Variants in UVRAG observed in about 807,000 individuals in gnomAD.
The protein encoded by UVRAG is UV radiation resistance associated, also known as UV radiation resistance-associated gene protein.
Under a neutral mutation model 78.0 loss-of-function variants are expected in UVRAG, and 19 were observed. That is an observed-to-expected ratio of 0.24 (90% CI 0.17 to 0.36). The LOEUF is 0.36. Among genes scored for constraint, UVRAG ranks in the 10% least tolerant of loss-of-function variants. UVRAG has a pLI of 1.00. For synonymous variants in UVRAG, 323 were observed against 324.6 expected, an observed-to-expected ratio of 1.00 and a Z score of 0.05; for missense variants, 740 against 853.8, an observed-to-expected ratio of 0.87 and a Z score of 1.66.
chr11:75,866,607 C>T (rs998741287), intron 3 of UVRAG, among the ~76,000 whole-genome samples: 1 of 151,558 alleles, frequency 6.6e-6, no homozygotes, highest in African/African-American at 2.4e-5. Flanking sequence ...TTTTTTAATA[C>T]CACTAGTCTC....
chr11:76,085,744 G>A (rs1176012570), intron 13 of UVRAG, among the ~76,000 whole-genome samples: 1 of 152,114 alleles, frequency 6.6e-6, no homozygotes, highest in African/African-American at 2.4e-5. Flanking sequence ...GCTGGGCATT[G>A]GCAAATCACA....
chr11:75,855,846 T>C (rs1946277351), intron 2 of UVRAG, among the ~76,000 whole-genome samples: 1 of 152,242 alleles, frequency 6.6e-6, no homozygotes, highest in Non-Finnish European at 1.5e-5. Context: ...TTTTTGACTT[T>C]TGACATTCTT....
At chr11:76,003,077 A>G (rs1949848731) in intron 8 of UVRAG, among the ~76,000 whole-genome samples, 1 of 151,970 alleles carries the variant, frequency 6.6e-6, no homozygotes, top group African/African-American at 2.4e-5. Flanking sequence ...CTGTCTAAAA[A>G]AAAAGAAAAA....
chr11:75,895,435 A>G (rs549073385), intron 5 of UVRAG, among the ~76,000 whole-genome samples: 39 of 152,280 alleles, frequency 2.6e-4, no homozygotes, highest in Admixed American at 7.8e-4. Flanking sequence ...ATAGAATACA[A>G]TGGCTAAGTA....
intron 6 of UVRAG, among the ~76,000 whole-genome samples, chr11:75,954,064 C>T (rs144314568): frequency 8.5e-5 from 13 of 152,274 alleles, no homozygotes; most frequent in African/African-American, 3.1e-4. Flanking sequence ...CCAGGGGAAT[C>T]AGGATGTCCC....
At chr11:75,890,917 G>A (rs905274737) in intron 5 of UVRAG, among the ~76,000 whole-genome samples, 10 of 146,638 alleles carry the variant, frequency 6.8e-5, no homozygotes, top group African/African-American at 2.7e-4. Context: ...AGAAAGAAAG[G>A]GTTTTGTTGT....
At chr11:75,886,526 G>A (rs1947082926) in intron 4 of UVRAG, among the ~76,000 whole-genome samples, 1 of 152,118 alleles carries the variant, frequency 6.6e-6, no homozygotes, top group Non-Finnish European at 1.5e-5. Flanking sequence ...TCTTGAGACT[G>A]CTTTCATAAT....
chr11:76,102,910 G>A (rs1482136412), intron 13 of UVRAG, among the ~76,000 whole-genome samples: 2 of 152,136 alleles, frequency 1.3e-5, no homozygotes, highest in South Asian at 2.1e-4. Context: ...CAACGTGTTG[G>A]CCAGGCTGAG....
At chr11:76,116,145 A>T (rs1952177121) in intron 14 of UVRAG, 130 bp downstream of exon 14, 1 of 864,780 alleles carries the variant, frequency 1.2e-6, no homozygotes, top group Admixed American at 2.5e-5. Context: ...GAGGAAAATG[A>T]AAGGCGCCAT....
At position 76,055,534 on chromosome 11, in the gene UVRAG, ATTTATCTATCTG is replaced by A. The variant is rs1950964959; in HGVS notation, c.1227-10166_1227-10155del. On this transcript the variant is annotated intron_variant, in intron 12 of 14. Coordinates refer to ENST00000356136, the MANE Select transcript of UVRAG (RefSeq NM_003369.4). ...TGTACCTGTGTTATTGTATCTTTCC[ATTTATCTATCTG>A]TTTATCTATTATATCAACCTATTTA... Among the ~76,000 whole-genome samples the A allele has an allele frequency of 2.0e-5, 3 of 151,982 alleles. No individual in the cohort carries two copies. In the South Asian group the frequency reaches 6.2e-4, roughly 32 times the overall value.
At chr11:75,961,307 G>A (rs140146840) in intron 6 of UVRAG, 137 bp from the exon 7 acceptor site, 12 of 658,868 alleles carry the variant, frequency 1.8e-5, no homozygotes, top group South Asian at 6.2e-5. Flanking sequence ...ATTTCATTGC[G>A]AATATGCTAG....
At chr11:75,920,634 G>C (rs1000035169) in intron 6 of UVRAG, among the ~76,000 whole-genome samples, 4 of 151,694 alleles carry the variant, frequency 2.6e-5, no homozygotes, top group African/African-American at 9.7e-5. Flanking sequence ...CAGAACATAG[G>C]TCCGCATGAC....
chr11:76,056,603 C>G (rs1195519998), intron 12 of UVRAG, among the ~76,000 whole-genome samples: 2 of 152,072 alleles, frequency 1.3e-5, no homozygotes, highest in Non-Finnish European at 2.9e-5. Context: ...CTGTAAAGTT[C>G]CTCACATTTT....
chr11:75,998,595 T>A (rs973145664), intron 8 of UVRAG, among the ~76,000 whole-genome samples: 1 of 152,094 alleles, frequency 6.6e-6, no homozygotes, highest in Non-Finnish European at 1.5e-5. Flanking sequence ...ACGAAGTAGC[T>A]TGAGTGTAAG....
rs367560778 is a variant in UVRAG, at chr11:75,952,771, T to C, written c.594-8673T>C. 7.2e-5 allele frequency among the ~76,000 whole-genome samples: 11 copies of C among 152,208 alleles called. No homozygotes were observed. The East Asian group carries it at 1.9e-3, about 27-fold the overall frequency. The stretch of plus-strand genomic sequence containing the variant: ...TTTTTTTCCTATAGTGTTCGTGTCA[T>C]GTTTTGGTATCAGGGTCATGTTGAC... On this transcript the variant is annotated intron_variant, in intron 6 of 14. Coordinates refer to ENST00000356136, the MANE Select transcript of UVRAG (RefSeq NM_003369.4).
intron 5 of UVRAG, chr11:75,911,420 C>A: frequency 6.2e-6 from 1 of 161,022 alleles, no homozygotes; most frequent in South Asian, 1.7e-4. Context: ...AGGCACCTCT[C>A]CTTGGTGCTG....
intron 6 of UVRAG, among the ~76,000 whole-genome samples, chr11:75,925,842 A>G (rs928294205): frequency 5.3e-5 from 8 of 152,218 alleles, no homozygotes; most frequent in African/African-American, 1.4e-4. Context: ...TTCCAATACT[A>G]TTACAAGCTC....
intron 8 of UVRAG, among the ~76,000 whole-genome samples, chr11:75,999,792 C>T (rs759139419): frequency 2.6e-5 from 4 of 151,950 alleles, no homozygotes; most frequent in Non-Finnish European, 5.9e-5. Context: ...GTTTTGGGTG[C>T]CAACATGATG....
chr11:75,978,540 C>T (rs186334482), intron 7 of UVRAG, among the ~76,000 whole-genome samples: 5 of 152,302 alleles, frequency 3.3e-5, no homozygotes, highest in African/African-American at 1.2e-4. Flanking sequence ...CACATAGTCC[C>T]ATATTTGTTG....
Sources: allele counts gnomAD v4.1 joint callset (sites outside exome capture counted in the v4.1 genomes callset), GRCh38; gene constraint gnomAD v4.1.1; transcripts MANE v1.5; gene names NCBI Gene and HGNC (gene_info 2026-07-23, HGNC 2026-07-21).